Variants in GALNT17 observed in about 807,000 individuals in gnomAD.
The protein encoded by GALNT17 is polypeptide N-acetylgalactosaminyltransferase 17, also known as UDP-GalNAc:polypeptide N-acetylgalactosaminyltransferase-like 3.
Under a neutral mutation model 63.7 loss-of-function variants are expected in GALNT17, and 29 were observed. The observed-to-expected ratio is 0.46, with a 90% CI of 0.34 to 0.62. The LOEUF (loss-of-function observed/expected upper bound fraction) is 0.62, where lower values mean the gene tolerates loss of function less well. Ranked by LOEUF, GALNT17 falls within the 20% of genes least tolerant of loss-of-function variation. The pLI is 0.01. For missense variants in GALNT17, 603 were observed against 799.6 expected, an observed-to-expected ratio of 0.75 and a Z score of 2.97; for synonymous variants, 305 against 318.3, an observed-to-expected ratio of 0.96 and a Z score of 0.45.
chr7:71,317,256 T>C (rs145161189), intron 1 of GALNT17, among the ~76,000 whole-genome samples: 3 of 152,308 alleles, frequency 2.0e-5, no homozygotes, highest in African/African-American at 7.2e-5. Flanking sequence ...ATAGTGAAGA[T>C]TGAGGAATCT....
intron 5 of GALNT17, among the ~76,000 whole-genome samples, chr7:71,513,332 G>A (rs1289835604): frequency 2.0e-5 from 3 of 152,010 alleles, no homozygotes. Context: ...CAGCTTGAAC[G>A]ATTATCAACT....
chr7:71,315,175 T>A (rs922572950), intron 1 of GALNT17, among the ~76,000 whole-genome samples: 1 of 152,236 alleles, frequency 6.6e-6, no homozygotes, highest in African/African-American at 2.4e-5. Flanking sequence ...ACTTCACAGT[T>A]TATCCATGTT....
At chr7:71,510,016 C>G (rs1165406763) in intron 5 of GALNT17, among the ~76,000 whole-genome samples, 2 of 152,034 alleles carry the variant, frequency 1.3e-5, no homozygotes, top group East Asian at 3.9e-4. Flanking sequence ...GCAATCATAG[C>G]TCACTGCAGC....
intron 6 of GALNT17, among the ~76,000 whole-genome samples, chr7:71,597,516 T>TAATAAATAAATAAATA (rs34346162): frequency 1.6e-3 from 233 of 149,850 alleles, no homozygotes; most frequent in Admixed American, 2.5e-3. Flanking sequence ...CTTAAAAGAG[T>TAATAAATAAATAAATA]AATAAATAAA....
rs1554362119 is a variant in GALNT17, at chr7:71,377,114, AATATAT to A, written c.423-11099_423-11094del. Reference sequence around the variant, plus strand: ...AAAAAAAAAAAATAAAAATAAAAAAAATATATATATATATATATATATATATAAAAT... The same window carrying A: ...AAAAAAAAAAAATAAAAATAAAAAAAATATATATATATATATATATAAAAT... On this transcript the variant is annotated intron_variant, in intron 2 of 10. Transcript: ENST00000333538. Among the ~76,000 whole-genome samples, 23 of 57,460 alleles carry A rather than the reference AATATAT, an allele frequency of 4.0e-4. 1 individual carries two copies. The highest frequency in any genetic ancestry group is 1.0e-3 in the Admixed American group (4 of 3,988). 37.7% of individuals were successfully genotyped at this position (57,460 alleles called of 152,430 possible). A position where few individuals can be genotyped will look rare whatever the true frequency, so the allele number is the denominator to read the frequency against.
At chr7:71,551,465 T>A (rs1789074308) in intron 5 of GALNT17, among the ~76,000 whole-genome samples, 1 of 152,204 alleles carries the variant, frequency 6.6e-6, no homozygotes, top group African/African-American at 2.4e-5. Context: ...GTCTGTTATT[T>A]TCATGCAAGT....
chr7:71,451,643 T>A (rs1787264750), intron 5 of GALNT17, among the ~76,000 whole-genome samples: 1 of 152,164 alleles, frequency 6.6e-6, no homozygotes, highest in African/African-American at 2.4e-5. Context: ...TCAGTTCATT[T>A]ATTTTCTTTT....
chr7:71,695,567 T>C (rs1584144127), intron 9 of GALNT17, among the ~76,000 whole-genome samples: 1 of 152,282 alleles, frequency 6.6e-6, no homozygotes, highest in East Asian at 1.9e-4. Context: ...CTATTTAAAG[T>C]GTGCAATCTG....
intron 9 of GALNT17, among the ~76,000 whole-genome samples, chr7:71,695,435 C>G (rs1364480229): frequency 6.6e-6 from 1 of 152,164 alleles, no homozygotes; most frequent in Non-Finnish European, 1.5e-5. Flanking sequence ...TGGGACCATC[C>G]CAGCCCCCAG....
chr7:71,580,398 ATGAT>A (rs919494625), intron 6 of GALNT17, among the ~76,000 whole-genome samples: 4 of 85,652 alleles, frequency 4.7e-5, no homozygotes, highest in African/African-American at 1.3e-4. Context: ...TGATAGATGG[ATGAT>A]AGATAGATAG....
At chr7:71,710,183 A>G (rs1791772404) in intron 9 of GALNT17, among the ~76,000 whole-genome samples, 1 of 152,150 alleles carries the variant, frequency 6.6e-6, no homozygotes, top group Non-Finnish European at 1.5e-5. Flanking sequence ...ACAGAAGACT[A>G]GGTCCTAAAA....
At chr7:71,502,713 C>G (rs1788200845) in intron 5 of GALNT17, among the ~76,000 whole-genome samples, 1 of 152,214 alleles carries the variant, frequency 6.6e-6, no homozygotes, top group Admixed American at 6.5e-5. Context: ...ATGATGCCAG[C>G]ACCCAGCCTT....
At chr7:71,638,221 A>G (rs1375377136) in intron 6 of GALNT17, among the ~76,000 whole-genome samples, 1 of 152,226 alleles carries the variant, frequency 6.6e-6, no homozygotes, top group Non-Finnish European at 1.5e-5. Context: ...GGTCACTCTC[A>G]TCACCATCTT....
rs555624502 is a variant in GALNT17 at position 71,232,374 on chromosome 7, G to A, written c.238+99334G>A. Reference sequence around the variant, plus strand: ...GGTCAGGGTCAGTGGGGGTGGTGCAGCCTTGCAGAACATGCTCTACTGCCA... The same window carrying A: ...GGTCAGGGTCAGTGGGGGTGGTGCAACCTTGCAGAACATGCTCTACTGCCA... On this transcript the variant is annotated intron_variant, in intron 1 of 10. Transcript: ENST00000333538. Among the ~76,000 whole-genome samples, 263 of 152,252 alleles carry A rather than the reference G, an allele frequency of 1.7e-3. 2 individuals are homozygous for A. The highest frequency in any genetic ancestry group is 2.3e-3 in the Non-Finnish European group (159 of 68,024).
intron 1 of GALNT17, among the ~76,000 whole-genome samples, chr7:71,228,001 C>T (rs1789712633): frequency 6.6e-6 from 1 of 152,100 alleles, no homozygotes; most frequent in South Asian, 2.1e-4. Flanking sequence ...AGTAATTCAG[C>T]CCGATAGAGG....
chr7:71,478,653 T>C (rs1291286399), intron 5 of GALNT17, among the ~76,000 whole-genome samples: 1 of 152,028 alleles, frequency 6.6e-6, no homozygotes, highest in African/African-American at 2.4e-5. Context: ...AAAAACCAGC[T>C]TCACTGCCTC....
intron 9 of GALNT17, among the ~76,000 whole-genome samples, chr7:71,695,452 G>C (rs77001195): frequency 0.019 from 2,963 of 152,270 alleles, 109 homozygotes; most frequent in African/African-American, 0.067. Context: ...CCAGGAGCTG[G>C]CCCTCTCTGC....
At chr7:71,401,949 A>G (rs1360919365) in intron 3 of GALNT17, among the ~76,000 whole-genome samples, 3 of 152,220 alleles carry the variant, frequency 2.0e-5, no homozygotes, top group South Asian at 2.1e-4. Flanking sequence ...ATGGTCTTCC[A>G]CCAAAGTTGT....
intron 8 of GALNT17, among the ~76,000 whole-genome samples, chr7:71,674,502 C>T (rs1791118754): frequency 6.6e-6 from 1 of 151,978 alleles, no homozygotes; most frequent in South Asian, 2.1e-4. Flanking sequence ...TGAGCCACTG[C>T]TGTTGGCTCT....
Sources: gnomAD v4.1 joint callset for allele counts (sites outside exome capture counted in the v4.1 genomes callset) on GRCh38, gnomAD v4.1.1 for gene constraint, MANE v1.5 for transcripts, NCBI Gene and HGNC (gene_info 2026-07-23, HGNC 2026-07-21) for gene names.